RACGAP1: variants seen among roughly 807,000 people sequenced by gnomAD.
RACGAP1 encodes Rac GTPase activating protein 1.
RACGAP1 carries 30 observed loss-of-function variants against 78.1 expected under a neutral mutation model. The ratio of observed to expected loss-of-function variants is 0.38; its 90% CI spans 0.29 to 0.52. The LOEUF (loss-of-function observed/expected upper bound fraction) is 0.52. Ranked by LOEUF, RACGAP1 falls within the 20% of genes least tolerant of loss-of-function variation. The pLI is 0.82. For synonymous variants in RACGAP1, 231 were observed against 264.8 expected (o/e 0.87, Z 1.24); for missense variants, 587 against 777.1 (o/e 0.76, Z 2.91).
chr12:50,021,902 T>A (rs1230837992), intron 1 of RACGAP1, among the ~76,000 whole-genome samples: 1 of 152,240 alleles, frequency 6.6e-6, no homozygotes, highest in Non-Finnish European at 1.5e-5. Flanking sequence ...AATGTCCAGC[T>A]TCTGCTTCAC....
Position 50,002,230 on chromosome 12 carries a change from A to C in RACGAP1, c.549+17T>G, listed in dbSNP as rs1948727666. 2 of 1,609,930 alleles carry C rather than the reference A, an allele frequency of 1.2e-6. No individual in the cohort carries two copies. Among genetic ancestry groups the C allele is most frequent in the African/African-American group, 2.7e-5 (2 of 74,618 alleles). ...TATTACTTTGTTTTAAAAAAAGACT[A>C]AACAAATCATACATACCCTCTTTTC... On this transcript the variant is annotated intron_variant, in intron 6 of 16. Transcript: ENST00000312377.
chr12:50,015,960 C>A (rs1283587380), intron 2 of RACGAP1, among the ~76,000 whole-genome samples: 1 of 150,904 alleles, frequency 6.6e-6, no homozygotes, highest in East Asian at 1.9e-4. Context: ...CTTTATAGAA[C>A]ACAAAGAAAA....
upstream of RACGAP1, among the ~76,000 whole-genome samples, chr12:50,027,034 T>C (rs572785885): frequency 3.3e-5 from 5 of 152,314 alleles, no homozygotes; most frequent in Admixed American, 6.5e-5. Context: ...TTAATACTTC[T>C]GTACTTCACT....
Position 49,996,912 on chromosome 12 carries a change from C to T in RACGAP1, c.1044+128G>A. ...GACTCTTCTACAAGTAAGTATCTTA[C>T]AATTCTAGTCATTATTTGTGGAAAG... On this transcript the variant is annotated intron_variant, in intron 10 of 16. Transcript: ENST00000312377. 3.8e-6 allele frequency: 5 copies of T among 1,332,048 alleles called. No homozygotes were observed. In the East Asian group the frequency reaches 8.2e-5, roughly 22 times the overall value. The allele number at this position is 1,332,048 out of a possible 1,614,324, so 82.5% of individuals were successfully genotyped here.
chr12:49,999,283 G>A lies in RACGAP1; in HGVS notation c.749-12C>T. ...AGGTTGTAAAGTACCTAGAAAACAA[G>A]CAACTTTTAAGCTTTGTGTCTTAAG... On this transcript the variant is annotated splice_polypyrimidine_tract_variant and intron_variant, in intron 8 of 16. Transcript: ENST00000312377. 1 of 1,592,096 alleles carries A rather than the reference G, an allele frequency of 6.3e-7. No individual in the cohort carries two copies. The highest frequency in any genetic ancestry group is 2.2e-5 in the East Asian group (1 of 44,820).
chr12:49,993,192 T>C (rs974673648), intron 12 of RACGAP1, among the ~76,000 whole-genome samples: 9 of 152,132 alleles, frequency 5.9e-5, no homozygotes, highest in African/African-American at 1.9e-4. Flanking sequence ...GGGGACAAGG[T>C]ATATGAAGAG....
At position 49,994,500 on chromosome 12, in the gene RACGAP1, C is replaced by G; in HGVS notation, c.1054G>C (p.Ala352Pro). 6.2e-7 allele frequency: 1 copy of G among 1,612,062 alleles called. No individual in the cohort carries two copies. Among genetic ancestry groups the G allele is most frequent in the Non-Finnish European group, 8.5e-7 (1 of 1,179,496 alleles). Residue 352 changes from alanine (A) to proline (P), a missense_variant, in exon 11 of 17, where the codon GCA becomes CCA. Ala to Pro is a conservative substitution (Grantham distance 27, BLOSUM62 -1). Coordinates refer to ENST00000312377, the MANE Select transcript of RACGAP1 (RefSeq NM_001319999.2). ...GGAGAAGTCTGGGACACAAAGTCTG[C>G]CAGCATTCCCTGGAAAAAAAAAAGA... ...TPVKIGEGMLADFVSQTSPMI... is the reference protein window; with the variant it reads ...TPVKIGEGMLPDFVSQTSPMI...
At chr12:50,008,375 T>C (rs1157866419) in intron 2 of RACGAP1, among the ~76,000 whole-genome samples, 2 of 150,960 alleles carry the variant, frequency 1.3e-5, no homozygotes, top group Non-Finnish European at 2.9e-5. Flanking sequence ...ATTTTTGTAT[T>C]TGTAGTAGAG....
At chr12:50,025,731 G>A (rs1950251657), upstream of RACGAP1, among the ~76,000 whole-genome samples, 2 of 152,090 alleles carry the variant, frequency 1.3e-5, no homozygotes, top group South Asian at 4.1e-4. Flanking sequence ...AAGGGCAAGT[G>A]GTACTTCCTG....
intron 12 of RACGAP1, among the ~76,000 whole-genome samples, chr12:49,993,873 A>G (rs1312909320): frequency 1.3e-5 from 2 of 151,716 alleles, no homozygotes; most frequent in East Asian, 3.9e-4. Context: ...GTGAAACCCC[A>G]TCTCTACTAA....
intron 4 of RACGAP1, among the ~76,000 whole-genome samples, chr12:50,004,797 TG>T (rs35167838): frequency 6.6e-6 from 1 of 152,242 alleles, no homozygotes; most frequent in Non-Finnish European, 1.5e-5. Flanking sequence ...CATATTGTAC[TG>T]GGGATGTTAA....
chr12:50,020,528 G>A (rs936076326), intron 1 of RACGAP1, among the ~76,000 whole-genome samples: 4 of 152,088 alleles, frequency 2.6e-5, no homozygotes, highest in African/African-American at 9.7e-5. Context: ...GGGCAACTAA[G>A]TCCAGAAACC....
intron 10 of RACGAP1, among the ~76,000 whole-genome samples, chr12:49,996,322 G>C (rs1042957107): frequency 6.6e-6 from 1 of 150,428 alleles, no homozygotes; most frequent in Non-Finnish European, 1.5e-5. Flanking sequence ...AAAAAAAAGA[G>C]AGACATTAAA....
chr12:49,998,004 A>C (rs1052751838), intron 9 of RACGAP1, among the ~76,000 whole-genome samples: 1 of 152,254 alleles, frequency 6.6e-6, no homozygotes, highest in African/African-American at 2.4e-5. Context: ...TCATTTTAAG[A>C]TGAGGAAACA....
Position 50,006,629 on chromosome 12 carries a change from G to T in RACGAP1, c.93C>A (p.Ile31=). 1 of 1,613,840 alleles carries T rather than the reference G, an allele frequency of 6.2e-7. No individual in the cohort carries two copies. The change falls in exon 3 of 17, where the codon ATC becomes ATA. Residue 31 remains isoleucine (I), a synonymous_variant. Coordinates refer to ENST00000312377, the MANE Select transcript of RACGAP1 (RefSeq NM_001319999.2). The part of the protein sequence containing the change: ...ILSEGNEVQF[I]QLAKDFEDFR... ...AATCCTCAAAGTCCTTCGCCAACTG[G>T]ATAAATTCTGAGGAAAGGGGGAATC...
At chr12:49,996,288 T>C (rs867268848) in intron 10 of RACGAP1, among the ~76,000 whole-genome samples, 2 of 150,682 alleles carry the variant, frequency 1.3e-5, no homozygotes, top group Admixed American at 6.6e-5. Context: ...CAATCCAGCC[T>C]GGACAACAGG....
chr12:49,994,339 A>G lies in RACGAP1; in HGVS notation c.1141-10T>C. On this transcript the variant is annotated splice_polypyrimidine_tract_variant and intron_variant, in intron 11 of 16. Transcript: ENST00000312377. ...TCCTATACAGGCCTGTCTATTATCAAGATGACATTTTTATTTAAAAACCTC... is the reference window on the plus strand; with the variant it reads ...TCCTATACAGGCCTGTCTATTATCAGGATGACATTTTTATTTAAAAACCTC... 1 of 1,612,930 alleles carries G rather than the reference A, an allele frequency of 6.2e-7. No individual in the cohort carries two copies. Among genetic ancestry groups the G allele is most frequent in the Non-Finnish European group, 8.5e-7 (1 of 1,179,680 alleles).
intron 7 of RACGAP1, 79 bp from the exon 8 acceptor site, chr12:49,999,812 A>G: frequency 8.5e-7 from 1 of 1,180,160 alleles, no homozygotes; most frequent in African/African-American, 1.5e-5. Context: ...TGGAGCAGGT[A>G]AAAAATTCCT....
chr12:50,004,351 T>C (rs1371445104), intron 4 of RACGAP1, 47 bp from the exon 5 acceptor site: 1 of 1,552,314 alleles, frequency 6.4e-7, no homozygotes, highest in Non-Finnish European at 8.8e-7. Context: ...GACTGTGGAA[T>C]GTAAAATTCA....
Sources: allele counts gnomAD v4.1 joint callset (sites outside exome capture counted in the v4.1 genomes callset), GRCh38; gene constraint gnomAD v4.1.1; transcripts MANE v1.5; gene names NCBI Gene and HGNC (gene_info 2026-07-23, HGNC 2026-07-21).